Variants in ZCWPW1 observed in about 807,000 individuals in gnomAD.
ZCWPW1 encodes the protein zinc finger CW-type PWWP domain protein 1.
Under a neutral mutation model 81.3 loss-of-function variants are expected in ZCWPW1, and 56 were observed. That is an observed-to-expected ratio of 0.69 (90% confidence interval 0.56 to 0.86). ZCWPW1 has a LOEUF of 0.86. ZCWPW1 is among the 40% of genes least tolerant of loss of function. The pLI, the probability that ZCWPW1 is intolerant of heterozygous loss-of-function variation, is 0.00. For missense variants in ZCWPW1, 650 were observed against 769.8 expected (o/e 0.84, Z 1.84); for synonymous variants, 250 against 273.7 (o/e 0.91, Z 0.86).
At chr7:100,420,559 G>T in intron 3 of ZCWPW1, 63 bp downstream of exon 3, 1 of 1,601,066 alleles carries the variant, frequency 6.2e-7, no homozygotes, top group Non-Finnish European at 8.6e-7. Context: ...TGGTGGAAAG[G>T]ATGTCCAAAA....
intron 5 of ZCWPW1, chr7:100,418,636 C>G (rs570481108): frequency 2.6e-5 from 4 of 152,236 alleles, no homozygotes; most frequent in African/African-American, 9.6e-5. Context: ...ACTAAAAATA[C>G]AAAAATTAGC....
In ZCWPW1 at chr7:100,410,861, C is replaced by T. The variant is rs528478889; in HGVS notation, c.755-1317G>A. On this transcript the variant is annotated intron_variant, in intron 8 of 17. Coordinates refer to ENST00000684423, the MANE Select transcript of ZCWPW1 (RefSeq NM_001386010.1). ...TACCATCCTCTCCATCTGGAAGCAA[C>T]TTTCATTCTTCACTCTGTTCCACTC... 4.9e-4 allele frequency among the ~76,000 whole-genome samples: 74 copies of T among 152,354 alleles called. No homozygotes were observed. The South Asian group carries it at 5.2e-3, about 11-fold the overall frequency.
chr7:100,402,548 A>T lies in ZCWPW1; in HGVS notation c.1442T>A (p.Val481Asp), dbSNP rs1792138625. The change falls in exon 16 of 18, where the codon GTC (valine) becomes GAC (aspartate). Residue 481 changes from valine (V) to aspartate (D), a missense_variant. Transcript: ENST00000684423. ...CTTGGTTTTTTGGGTCTGTATTTTGACTCGCTTACGAATGGGCAAAATTGG... is the reference window on the plus strand; with the variant it reads ...CTTGGTTTTTTGGGTCTGTATTTTGTCTCGCTTACGAATGGGCAAAATTGG... ...TDPILPIRKR[V>D]KIQTQKTKPR... 6.2e-7 allele frequency: 1 copy of T among 1,613,896 alleles called. No individual in the cohort carries two copies. Among genetic ancestry groups the T allele is most frequent in the Non-Finnish European group, 8.5e-7 (1 of 1,179,986 alleles).
intron 1 of ZCWPW1, among the ~76,000 whole-genome samples, chr7:100,426,796 TTCCCTCCCTCC>T (rs1163089346): frequency 7.2e-5 from 7 of 97,210 alleles, no homozygotes; most frequent in Admixed American, 1.2e-4. Flanking sequence ...TCTCTCCCTC[TTCCCTCCCTCC>T]TCCCCCTCTC....
Position 100,417,863 on chromosome 7 carries a change from GGTTTTTTGGTTTTTGGTTTTT to G in ZCWPW1, c.362-701_362-681del, listed in dbSNP as rs1388815869. Among the ~76,000 whole-genome samples, 250 of 151,914 alleles carry G rather than the reference GGTTTTTTGGTTTTTGGTTTTT, an allele frequency of 1.6e-3. 1 individual carries two copies. The highest frequency in any genetic ancestry group is 5.6e-3 in the African/African-American group (233 of 41,496). ...TGGAAAAGCCTTCATAGAGGTTTTT[GGTTTTTTGGTTTTTGGTTTTT>G]GTTTTTTGGTTTTTTTTTGAGACAG... is the stretch of plus-strand genomic sequence containing the variant. On this transcript the variant is annotated intron_variant, in intron 5 of 17. Coordinates refer to ENST00000684423, the MANE Select transcript of ZCWPW1 (RefSeq NM_001386010.1).
intron 15 of ZCWPW1, 21 bp downstream of exon 15, chr7:100,403,673 T>A (rs1792395955): frequency 6.3e-7 from 1 of 1,583,078 alleles, no homozygotes; most frequent in Non-Finnish European, 8.6e-7. Context: ...AAATAAAAAC[T>A]GAAATTAAAG....
At chr7:100,411,681 G>A (rs1193813481) in intron 8 of ZCWPW1, among the ~76,000 whole-genome samples, 1 of 151,742 alleles carries the variant, frequency 6.6e-6, no homozygotes, top group African/African-American at 2.4e-5. Context: ...AGCAAGACTA[G>A]AAAAAAAGAG....
chr7:100,414,313 A>G (rs1348279569), intron 8 of ZCWPW1, among the ~76,000 whole-genome samples: 1 of 152,174 alleles, frequency 6.6e-6, no homozygotes, highest in Non-Finnish European at 1.5e-5. Context: ...GTAACTTTTT[A>G]TTCCACTGTT....
Position 100,421,023 on chromosome 7 carries a change from G to T in ZCWPW1, c.-29-345C>A, listed in dbSNP as rs573816978. 7.8e-4 allele frequency among the ~76,000 whole-genome samples: 119 copies of T among 152,256 alleles called. 1 individual carries two copies. The highest frequency in any genetic ancestry group is 2.7e-3 in the African/African-American group (114 of 41,548). ...CAAATTAGCCAGTGTGGTGGCATGC[G>T]CCTGTAGTCCCAGCTACTCTGGAGG... On this transcript the variant is annotated intron_variant, in intron 2 of 17. Coordinates refer to ENST00000684423, the MANE Select transcript of ZCWPW1 (RefSeq NM_001386010.1).
chr7:100,400,983 G>C lies in ZCWPW1; in HGVS notation c.*31C>G, dbSNP rs752608290. The stretch of plus-strand genomic sequence containing the variant: ...CTTCTCCCTCCTGCGCCCCAGAGAA[G>C]GGAGAAAAAGAGGGAGCAGAGGAGC... On this transcript the variant is annotated 3_prime_UTR_variant, in exon 18 of 18. Coordinates refer to ENST00000684423, the MANE Select transcript of ZCWPW1 (RefSeq NM_001386010.1). 3.2e-6 allele frequency: 5 copies of C among 1,565,112 alleles called. No homozygotes were observed. Among genetic ancestry groups the C allele is most frequent in the Admixed American group, 3.6e-5 (2 of 55,146 alleles).
chr7:100,402,538 C>A lies in ZCWPW1; in HGVS notation c.1452G>T (p.Gln484His). 1 of 1,613,986 alleles carries A rather than the reference C, an allele frequency of 6.2e-7. No individual in the cohort carries two copies. The highest frequency in any genetic ancestry group is 1.3e-5 in the African/African-American group (1 of 74,994). Residue 484 changes from glutamine to histidine, a missense_variant, in exon 16 of 18, where the codon CAG becomes CAT. Coordinates refer to ENST00000684423, the MANE Select transcript of ZCWPW1 (RefSeq NM_001386010.1). Reference sequence around the variant, plus strand: ...TACCTCTTGGCTTGGTTTTTTGGGTCTGTATTTTGACTCGCTTACGAATGG... The same window carrying A: ...TACCTCTTGGCTTGGTTTTTTGGGTATGTATTTTGACTCGCTTACGAATGG... ...ILPIRKRVKIQTQKTKPRGLG... is the reference protein window; with the variant it reads ...ILPIRKRVKIHTQKTKPRGLG...
intron 1 of ZCWPW1, among the ~76,000 whole-genome samples, chr7:100,426,659 C>T (rs1437310329): frequency 6.9e-6 from 1 of 145,290 alleles, no homozygotes; most frequent in Non-Finnish European, 1.5e-5. Flanking sequence ...CTCTCTCCCT[C>T]CTTTACTCCT....
intron 17 of ZCWPW1, 90 bp from the exon 18 acceptor site, chr7:100,401,426 G>A (rs1791855949): frequency 8.6e-7 from 1 of 1,168,572 alleles, no homozygotes; most frequent in Admixed American, 2.9e-5. Flanking sequence ...CTATTTCCAA[G>A]AAATCTCTGG....
intron 4 of ZCWPW1, 145 bp from the exon 5 acceptor site, chr7:100,419,334 T>G: frequency 1.3e-6 from 1 of 775,428 alleles, no homozygotes; most frequent in Non-Finnish European, 2.0e-6. Context: ...GGCCATGAAC[T>G]ATATCCCAGA....
At chr7:100,402,657 G>C (rs1308908463) in intron 15 of ZCWPW1, 81 bp from the exon 16 acceptor site, 1 of 1,405,204 alleles carries the variant, frequency 7.1e-7, no homozygotes, top group East Asian at 2.3e-5. Flanking sequence ...GCTACAGAAT[G>C]ACAGGTGGGC....
At position 100,419,627 on chromosome 7, in the gene ZCWPW1, T is replaced by A; in HGVS notation, c.282+3A>T. ...TACCAGAGCCCACCACTATGACTGG[T>A]ACCTTTTCTTTCTTCTCTGCTTGCT... On this transcript the variant is annotated splice_donor_region_variant and intron_variant, in intron 4 of 17. Coordinates refer to ENST00000684423, the MANE Select transcript of ZCWPW1 (RefSeq NM_001386010.1). 1 of 1,608,626 alleles carries A rather than the reference T, an allele frequency of 6.2e-7. No homozygotes were observed. The highest frequency in any genetic ancestry group is 1.1e-5 in the South Asian group (1 of 90,034).
intron 8 of ZCWPW1, among the ~76,000 whole-genome samples, chr7:100,413,638 A>G (rs1794641010): frequency 6.6e-6 from 1 of 152,244 alleles, no homozygotes; most frequent in African/African-American, 2.4e-5. Flanking sequence ...GAGGCTAATA[A>G]ATCCACTACA....
intron 1 of ZCWPW1, among the ~76,000 whole-genome samples, chr7:100,426,581 C>T (rs1298155449): frequency 2.0e-5 from 3 of 151,782 alleles, no homozygotes; most frequent in Non-Finnish European, 4.4e-5. Flanking sequence ...TATGTGGACT[C>T]CTGCTTATTT....
intron 8 of ZCWPW1, among the ~76,000 whole-genome samples, chr7:100,415,072 C>A (rs1401192790): frequency 5.6e-5 from 8 of 142,816 alleles, no homozygotes; most frequent in Non-Finnish European, 9.1e-5. Flanking sequence ...CAACTCCGTA[C>A]CCATTTTTTT....
Sources: gnomAD v4.1 joint callset for allele counts (sites outside exome capture counted in the v4.1 genomes callset) on GRCh38, gnomAD v4.1.1 for gene constraint, MANE v1.5 for transcripts, NCBI Gene and HGNC (gene_info 2026-07-23, HGNC 2026-07-21) for gene names.